ADCK1: variants seen among roughly 807,000 people sequenced by gnomAD.
ADCK1 encodes aarF domain-containing protein kinase 1.
Under a neutral mutation model 52.3 loss-of-function variants are expected in ADCK1, and 41 were observed. The observed-to-expected ratio is 0.78, with a 90% CI of 0.61 to 1.02. The LOEUF is 1.02. ADCK1 is among the 50% of genes least tolerant of loss of function. ADCK1 has a pLI of 0.00. For missense variants in ADCK1, 658 were observed against 679.5 expected, an observed-to-expected ratio of 0.97 and a Z score of 0.35; for synonymous variants, 250 against 274.6, an observed-to-expected ratio of 0.91 and a Z score of 0.89.
At chr14:77,917,220 G>A (rs1434146278) in intron 7 of ADCK1, among the ~76,000 whole-genome samples, 1 of 152,030 alleles carries the variant, frequency 6.6e-6, no homozygotes, top group African/African-American at 2.4e-5. Context: ...GTGAGACCCC[G>A]TATTTTTTTT....
At chr14:77,838,970 G>A (rs1200360944) in intron 3 of ADCK1, among the ~76,000 whole-genome samples, 2 of 152,190 alleles carry the variant, frequency 1.3e-5, no homozygotes, top group Non-Finnish European at 2.9e-5. Context: ...AGGAGGATAG[G>A]GGACTTGTTT....
intron 7 of ADCK1, chr14:77,924,053 C>T (rs2140292785): frequency 6.0e-6 from 1 of 165,956 alleles, no homozygotes; most frequent in East Asian, 1.8e-4. Context: ...GGAATGACTC[C>T]CTCAGCCCAG....
intron 4 of ADCK1, among the ~76,000 whole-genome samples, chr14:77,875,397 G>T (rs1243087426): frequency 6.6e-6 from 1 of 152,092 alleles, no homozygotes; most frequent in East Asian, 1.9e-4. Flanking sequence ...GGAGCGAGTG[G>T]GTTGTGGTCA....
chr14:77,813,924 C>T (rs1474575286), intron 1 of ADCK1, among the ~76,000 whole-genome samples: 1 of 151,990 alleles, frequency 6.6e-6, no homozygotes, highest in African/African-American at 2.4e-5. Context: ...CATGCCACAA[C>T]ACCCGGCTAA....
chr14:77,902,639 G>A (rs1402220864), intron 6 of ADCK1: 3 of 152,246 alleles, frequency 2.0e-5, no homozygotes, highest in East Asian at 1.9e-4. Context: ...GACAGACACA[G>A]CAATGTGTTG....
intron 10 of ADCK1, 62 bp downstream of exon 10, chr14:77,931,773 C>T: frequency 6.5e-7 from 1 of 1,528,318 alleles, no homozygotes; most frequent in South Asian, 1.2e-5. Flanking sequence ...AGGGGTCCTG[C>T]TTTTGCTGCC....
chr14:77,904,185 C>T (rs2083607754), intron 6 of ADCK1, among the ~76,000 whole-genome samples: 1 of 152,194 alleles, frequency 6.6e-6, no homozygotes, highest in Non-Finnish European at 1.5e-5. Context: ...TGTGGCTGTC[C>T]TAAGAGCAAT....
chr14:77,835,463 A>G (rs2081941342), intron 3 of ADCK1, among the ~76,000 whole-genome samples: 1 of 152,258 alleles, frequency 6.6e-6, no homozygotes, highest in South Asian at 2.1e-4. Context: ...CTTCACCCAG[A>G]ACAGCTGTAA....
intron 4 of ADCK1, among the ~76,000 whole-genome samples, chr14:77,860,538 A>G (rs2082522293): frequency 6.6e-6 from 1 of 152,154 alleles, no homozygotes; most frequent in African/African-American, 2.4e-5. Flanking sequence ...CGGGGGTTGG[A>G]TCATACAGCA....
intron 1 of ADCK1, among the ~76,000 whole-genome samples, chr14:77,808,557 A>T (rs2081275430): frequency 6.6e-6 from 1 of 151,842 alleles, no homozygotes; most frequent in African/African-American, 2.4e-5. Context: ...AAAATTATAG[A>T]CATCCACTAC....
At chr14:77,909,891 C>G (rs1366138913) in intron 7 of ADCK1, among the ~76,000 whole-genome samples, 1 of 152,146 alleles carries the variant, frequency 6.6e-6, no homozygotes, top group Non-Finnish European at 1.5e-5. Context: ...ATTTTGCAGA[C>G]AAAGAATCAG....
chr14:77,842,972 C>T (rs1289358330), intron 3 of ADCK1, among the ~76,000 whole-genome samples: 1 of 150,388 alleles, frequency 6.6e-6, no homozygotes, highest in African/African-American at 2.5e-5. Context: ...TCACTGCATC[C>T]TCCACCTCCT....
At chr14:77,906,855 A>G (rs796707418) in intron 6 of ADCK1, among the ~76,000 whole-genome samples, 39 of 152,284 alleles carry the variant, frequency 2.6e-4, no homozygotes, top group African/African-American at 8.9e-4. Context: ...ATTTTTGTTC[A>G]TAAGTCAGAA....
At chr14:77,878,932 C>A (rs547902507) in intron 4 of ADCK1, among the ~76,000 whole-genome samples, 17 of 152,178 alleles carry the variant, frequency 1.1e-4, no homozygotes, top group Non-Finnish European at 7.4e-5. Context: ...CTTCCCCCCC[C>A]ACGAATGAAT....
intron 9 of ADCK1, 125 bp from the exon 10 acceptor site, chr14:77,931,393 G>A (rs1395252736): frequency 1.5e-5 from 14 of 931,332 alleles, no homozygotes; most frequent in African/African-American, 5.0e-5. Context: ...CCAAGACAGC[G>A]GTGCCTGAAG....
At chr14:77,880,063 C>G (rs1291388642) in intron 4 of ADCK1, among the ~76,000 whole-genome samples, 3 of 152,256 alleles carry the variant, frequency 2.0e-5, no homozygotes, top group South Asian at 4.1e-4. Flanking sequence ...CCAAGCCTTA[C>G]AGCTTCTCAG....
At chr14:77,808,602 T>C (rs1472290000) in intron 1 of ADCK1, among the ~76,000 whole-genome samples, 2 of 152,072 alleles carry the variant, frequency 1.3e-5, no homozygotes, top group Admixed American at 6.6e-5. Context: ...TGAGACAGGG[T>C]TTCGTTCTTG....
intron 3 of ADCK1, among the ~76,000 whole-genome samples, chr14:77,850,797 C>T (rs1165284101): frequency 2.0e-5 from 3 of 151,684 alleles, no homozygotes; most frequent in Non-Finnish European, 4.4e-5. Context: ...ACTACAGGTG[C>T]CCGCCACCAC....
At chr14:77,881,508 T>A (rs368248808) in intron 4 of ADCK1, among the ~76,000 whole-genome samples, 1 of 152,066 alleles carries the variant, frequency 6.6e-6, no homozygotes, top group African/African-American at 2.4e-5. Flanking sequence ...AAGGGAGGAG[T>A]ATTATTTAAA....
Sources: gnomAD v4.1 joint callset for allele counts (sites outside exome capture counted in the v4.1 genomes callset) on GRCh38, gnomAD v4.1.1 for gene constraint, MANE v1.5 for transcripts, NCBI Gene and HGNC (gene_info 2026-07-23, HGNC 2026-07-21) for gene names.